The following TOX variants were observed in gnomAD, a reference collection of about 807,000 sequenced individuals.
TOX encodes thymocyte selection associated high mobility group box.
A neutral mutation model predicts 53.7 loss-of-function variants in TOX; 11 were observed. The observed-to-expected ratio is 0.20, with a 90% CI of 0.13 to 0.34. The LOEUF is 0.34. Ranked by LOEUF, TOX falls within the 10% of genes least tolerant of loss-of-function variation. The probability of loss-of-function intolerance (pLI) is 1.00; values close to 1 mark genes in which losing one functional copy is unlikely to be tolerated. For missense variants in TOX, 570 were observed against 664.6 expected, an observed-to-expected ratio of 0.86 and a Z score of 1.56; for synonymous variants, 225 against 245.3, an observed-to-expected ratio of 0.92 and a Z score of 0.77.
intron 1 of TOX, among the ~76,000 whole-genome samples, chr8:59,063,307 C>T (rs1325006614): frequency 6.6e-6 from 1 of 151,930 alleles, no homozygotes. Flanking sequence ...GAGCTAATGA[C>T]TGCTTATTTT....
intron 3 of TOX, among the ~76,000 whole-genome samples, chr8:58,855,057 C>A (rs1398911961): frequency 6.6e-6 from 1 of 152,074 alleles, no homozygotes; most frequent in Non-Finnish European, 1.5e-5. Context: ...CTGTTAATCA[C>A]CAATATTTTA....
intron 3 of TOX, among the ~76,000 whole-genome samples, chr8:58,922,355 G>T (rs1812087702): frequency 6.6e-6 from 1 of 152,180 alleles, no homozygotes; most frequent in Admixed American, 6.5e-5. Flanking sequence ...GTTAGTGTTT[G>T]CGTGTATATA....
At chr8:59,065,584 T>C (rs986850651) in intron 1 of TOX, among the ~76,000 whole-genome samples, 6 of 152,310 alleles carry the variant, frequency 3.9e-5, no homozygotes, top group African/African-American at 1.4e-4. Flanking sequence ...ATGAGGAAGC[T>C]GAGACCCAGA....
intron 6 of TOX, 58 bp downstream of exon 6, chr8:58,826,764 T>C: frequency 6.8e-7 from 1 of 1,478,232 alleles, no homozygotes; most frequent in South Asian, 1.3e-5. Context: ...TAAGTGACTA[T>C]CAAAGTCTGC....
At chr8:59,054,252 T>G (rs1803844118) in intron 1 of TOX, among the ~76,000 whole-genome samples, 2 of 152,234 alleles carry the variant, frequency 1.3e-5, no homozygotes, top group Admixed American at 1.3e-4. Context: ...AGTTCATGAA[T>G]AGGCATGAGC....
intron 1 of TOX, among the ~76,000 whole-genome samples, chr8:59,009,139 C>T (rs958334873): frequency 1.8e-4 from 28 of 151,508 alleles, no homozygotes; most frequent in African/African-American, 6.8e-4. Context: ...CCTTCTCCTT[C>T]TTTCCTTTCT....
chr8:58,853,451 A>T (rs1353695573), intron 3 of TOX, among the ~76,000 whole-genome samples: 1 of 152,158 alleles, frequency 6.6e-6, no homozygotes, highest in Non-Finnish European at 1.5e-5. Flanking sequence ...GGAGGGGGTG[A>T]TGATAGTGCA....
intron 1 of TOX, among the ~76,000 whole-genome samples, chr8:59,101,567 A>G (rs1239808045): frequency 6.6e-6 from 1 of 152,244 alleles, no homozygotes; most frequent in Non-Finnish European, 1.5e-5. Context: ...GCTGTTGCAG[A>G]TGAAACTTCA....
intron 5 of TOX, among the ~76,000 whole-genome samples, chr8:58,837,777 GTCTT>G (rs1349643322): frequency 6.6e-6 from 1 of 152,034 alleles, no homozygotes; most frequent in African/African-American, 2.4e-5. Context: ...TTTTTTTTCA[GTCTT>G]TATGTTCACA....
intron 2 of TOX, among the ~76,000 whole-genome samples, chr8:58,958,780 A>T (rs889902295): frequency 6.6e-6 from 1 of 152,196 alleles, no homozygotes; most frequent in Non-Finnish European, 1.5e-5. Flanking sequence ...AATACTGTGT[A>T]GTTTCCAGAA....
At chr8:59,007,602 A>G (rs569527553) in intron 1 of TOX, among the ~76,000 whole-genome samples, 1 of 152,330 alleles carries the variant, frequency 6.6e-6, no homozygotes, top group Middle Eastern at 3.4e-3. Flanking sequence ...TTCAGTAAGA[A>G]GGAAATCTAT....
intron 1 of TOX, among the ~76,000 whole-genome samples, chr8:59,024,088 C>A (rs900406090): frequency 6.6e-6 from 1 of 152,128 alleles, no homozygotes; most frequent in African/African-American, 2.4e-5. Flanking sequence ...TGGGGAAGTC[C>A]TTCTCTGAAT....
chr8:58,959,008 C>T (rs758257970), intron 2 of TOX, among the ~76,000 whole-genome samples: 2 of 152,180 alleles, frequency 1.3e-5, no homozygotes, highest in African/African-American at 2.4e-5. Flanking sequence ...GTTATTAAAT[C>T]TATATGTGTG....
chr8:58,874,212 C>T (rs562283138), intron 3 of TOX, among the ~76,000 whole-genome samples: 1 of 151,722 alleles, frequency 6.6e-6, no homozygotes, highest in Admixed American at 6.6e-5. Flanking sequence ...TCTCTGCCCC[C>T]TGCCCTTTGG....
chr8:59,059,703 G>T (rs914621305), intron 1 of TOX, among the ~76,000 whole-genome samples: 5 of 152,100 alleles, frequency 3.3e-5, no homozygotes, highest in Non-Finnish European at 7.4e-5. Context: ...GTTGACCTTG[G>T]CAAACAGTTA....
chr8:58,875,075 TAGA>T (rs1811261872), intron 3 of TOX, among the ~76,000 whole-genome samples: 1 of 152,184 alleles, frequency 6.6e-6, no homozygotes, highest in Admixed American at 6.5e-5. Context: ...AGCAAGGACA[TAGA>T]AGACCTCTGA....
In TOX at chr8:58,815,374, C is replaced by A. The variant is rs144669693; in HGVS notation, c.1356G>T (p.Gln452His). The change falls in exon 7 of 9, where the codon CAG becomes CAT. Residue 452 changes from glutamine to histidine, a missense_variant. By Grantham distance (24) the Gln-to-His change is conservative. Transcript: ENST00000361421. Reference protein sequence around the residue: ...QQPLGNQLPMQVQSALHSPTM... With the variant: ...QQPLGNQLPMHVQSALHSPTM... Reference sequence around the variant, plus strand: ...TGGGTGAGTGTAAGGCAGACTGGACCTGCATGGGGAGCTGGTTCCCAAGGG... The same window carrying A: ...TGGGTGAGTGTAAGGCAGACTGGACATGCATGGGGAGCTGGTTCCCAAGGG... The A allele has an allele frequency of 6.2e-6, 10 of 1,610,790 alleles. No individual in the cohort carries two copies. Among genetic ancestry groups the A allele is most frequent in the Non-Finnish European group, 7.6e-6 (9 of 1,178,596 alleles).
At chr8:59,055,618 C>T (rs1308735536) in intron 1 of TOX, among the ~76,000 whole-genome samples, 1 of 152,122 alleles carries the variant, frequency 6.6e-6, no homozygotes, top group Non-Finnish European at 1.5e-5. Flanking sequence ...TCACTGGGAG[C>T]CACTGGGGAA....
chr8:58,844,934 A>T (rs1040434218), intron 4 of TOX, among the ~76,000 whole-genome samples: 1 of 152,002 alleles, frequency 6.6e-6, no homozygotes. Context: ...CTGGTAATTC[A>T]CCCCTGTCAT....
Sources: allele counts gnomAD v4.1 joint callset (sites outside exome capture counted in the v4.1 genomes callset), GRCh38; gene constraint gnomAD v4.1.1; transcripts MANE v1.5; gene names NCBI Gene and HGNC (gene_info 2026-07-23, HGNC 2026-07-21).